Variants in RPL26L1 observed in about 807,000 individuals in gnomAD.
RPL26L1 encodes ribosomal protein L26 like 1, also known as ribosomal protein uL24-like.
Under a neutral mutation model 15.2 loss-of-function variants are expected in RPL26L1, and 8 were observed. The ratio of observed to expected loss-of-function variants is 0.53; its 90% CI spans 0.31 to 0.95. The LOEUF is 0.95. Ranked by LOEUF, RPL26L1 falls within the 40% of genes least tolerant of loss-of-function variation. RPL26L1 has a pLI of 0.05. For synonymous variants in RPL26L1, 51 were observed against 65.9 expected, an observed-to-expected ratio of 0.77 and a Z score of 1.09; for missense variants, 146 against 190.9, an observed-to-expected ratio of 0.76 and a Z score of 1.39.
chr5:172,963,333 C>G (rs905084860), intron 2 of RPL26L1, among the ~76,000 whole-genome samples: 5 of 151,034 alleles, frequency 3.3e-5, no homozygotes, highest in African/African-American at 1.2e-4. Context: ...AAGATTGCGC[C>G]ACTGCACTCC....
rs186488503 is a variant in RPL26L1 at position 172,964,741 on chromosome 5, C to T, written c.169-3718C>T. Among the ~76,000 whole-genome samples, 4 of 152,336 alleles carry T rather than the reference C, an allele frequency of 2.6e-5. No homozygotes were observed. The East Asian group carries it at 7.7e-4, about 29-fold the overall frequency. On this transcript the variant is annotated intron_variant, in intron 2 of 3. Coordinates refer to ENST00000265100, the MANE Select transcript of RPL26L1 (RefSeq NM_016093.4). ...GGATCTTCTGAATCTCACTTACCTT[C>T]CTCTTTCTCTGAGTAGGTGATGGTT... is the stretch of plus-strand genomic sequence containing the variant.
chr5:172,968,594 A>G lies in RPL26L1; in HGVS notation c.304A>G (p.Ser102Gly), dbSNP rs1357974369. The change falls in exon 3 of 4, where the codon AGC (serine) becomes GGC (glycine). Residue 102 changes from serine to glycine, a missense_variant. Coordinates refer to ENST00000265100, the MANE Select transcript of RPL26L1 (RefSeq NM_016093.4). ...GTTVHVGIHPSKVVITRLKLD... is the reference protein window; with the variant it reads ...GTTVHVGIHPGKVVITRLKLD... ...AACTGTCCACGTGGGCATTCACCCA[A>G]GCAAGGTATGGTCAAGGACTGAGTG... The G allele has an allele frequency of 3.1e-6, 5 of 1,613,926 alleles. No individual in the cohort carries two copies. Among genetic ancestry groups the G allele is most frequent in the Non-Finnish European group, 4.2e-6 (5 of 1,179,962 alleles).
upstream of RPL26L1, chr5:172,958,264 C>A (rs369731712): frequency 7.3e-4 from 211 of 287,358 alleles, no homozygotes; most frequent in African/African-American, 1.3e-3. Context: ...AACTCTATCT[C>A]AAAAAAAAAA....
chr5:172,961,130 C>T (rs1201030473), intron 2 of RPL26L1, among the ~76,000 whole-genome samples: 1 of 152,148 alleles, frequency 6.6e-6, no homozygotes, highest in African/African-American at 2.4e-5. Context: ...GGTGATGAGG[C>T]TTGGTGTATC....
Sources: gnomAD v4.1 joint callset for allele counts (sites outside exome capture counted in the v4.1 genomes callset) on GRCh38, gnomAD v4.1.1 for gene constraint, MANE v1.5 for transcripts, NCBI Gene and HGNC (gene_info 2026-07-23, HGNC 2026-07-21) for gene names.